The following ZFHX4 variants were observed in gnomAD, a reference collection of about 807,000 sequenced individuals.
ZFHX4 encodes zinc finger homeobox protein 4.
In ZFHX4, 56 loss-of-function variants were observed where a neutral mutation model predicts 267.6. That is an observed-to-expected ratio of 0.21 (90% confidence interval 0.17 to 0.26). ZFHX4 has a LOEUF of 0.26. Ranked by LOEUF, ZFHX4 falls within the 10% of genes least tolerant of loss-of-function variation. The probability of loss-of-function intolerance (pLI) is 1.00; values close to 1 mark genes in which losing one functional copy is unlikely to be tolerated. For synonymous variants in ZFHX4, 1,778 were observed against 1,665.6 expected (o/e 1.07, Z -1.64); for missense variants, 4,332 against 4,420.0 (o/e 0.98, Z 0.56).
intron 3 of ZFHX4, among the ~76,000 whole-genome samples, chr8:76,720,484 A>ATGCTCTCTTTTCTCTTAG (rs1808690161): frequency 6.6e-6 from 1 of 152,122 alleles, no homozygotes; most frequent in African/African-American, 2.4e-5. Flanking sequence ...TTTATATACA[A>ATGCTCTCTTTTCTCTTAG]GGTTTTGTGT....
At chr8:76,712,554 A>T (rs1204295805) in intron 3 of ZFHX4, among the ~76,000 whole-genome samples, 1 of 152,118 alleles carries the variant, frequency 6.6e-6, no homozygotes, top group South Asian at 2.1e-4. Flanking sequence ...TCCCGGTGTG[A>T]TGGTAAAGGA....
intron 4 of ZFHX4, among the ~76,000 whole-genome samples, chr8:76,790,906 A>G (rs10957817): frequency 0.13 from 20,403 of 152,150 alleles, 2,271 homozygotes; most frequent in African/African-American, 0.3. Context: ...GATTACTGAG[A>G]TCTGCCTTGG....
intron 3 of ZFHX4, among the ~76,000 whole-genome samples, chr8:76,748,295 C>T (rs1418088520): frequency 6.6e-6 from 1 of 152,198 alleles, no homozygotes; most frequent in Non-Finnish European, 1.5e-5. Flanking sequence ...TGACTTCTAG[C>T]AGAACATCTT....
At position 76,862,372 on chromosome 8, in the gene ZFHX4, T is replaced by A. The variant is rs560731148; in HGVS notation, c.9380-722T>A. Among the ~76,000 whole-genome samples, 13 of 152,154 alleles carry A rather than the reference T, an allele frequency of 8.5e-5. No homozygotes were observed. The South Asian group carries it at 2.7e-3, about 31-fold the overall frequency. ...GGTGGTAAAGTTGACTGTTAATATATGCAGTTCCTGTCAAGTACCCTGTTA... is the reference window on the plus strand; with the variant it reads ...GGTGGTAAAGTTGACTGTTAATATAAGCAGTTCCTGTCAAGTACCCTGTTA... On this transcript the variant is annotated intron_variant, in intron 10 of 10. Transcript: ENST00000651372.
chr8:76,728,530 A>T (rs747542820), intron 3 of ZFHX4, among the ~76,000 whole-genome samples: 1 of 152,222 alleles, frequency 6.6e-6, no homozygotes, highest in Non-Finnish European at 1.5e-5. Context: ...AGTAAAAGGT[A>T]TAGTTAATCC....
chr8:76,736,531 T>C (rs1273940058), intron 3 of ZFHX4, among the ~76,000 whole-genome samples: 1 of 152,078 alleles, frequency 6.6e-6, no homozygotes, highest in Non-Finnish European at 1.5e-5. Flanking sequence ...CTATACTAAG[T>C]AAGCAGATCA....
At chr8:76,716,315 C>T (rs1808573084) in intron 3 of ZFHX4, among the ~76,000 whole-genome samples, 1 of 152,042 alleles carries the variant, frequency 6.6e-6, no homozygotes, top group South Asian at 2.1e-4. Flanking sequence ...TTATTTATTG[C>T]CTTTTACAAT....
intron 3 of ZFHX4, among the ~76,000 whole-genome samples, chr8:76,727,292 C>T (rs913936380): frequency 4.6e-5 from 7 of 151,596 alleles, no homozygotes; most frequent in Non-Finnish European, 1.0e-4. Flanking sequence ...TTTTTTTCTT[C>T]CATCGTTTTC....
At chr8:76,720,625 CCT>C (rs1468548807) in intron 3 of ZFHX4, among the ~76,000 whole-genome samples, 5 of 152,094 alleles carry the variant, frequency 3.3e-5, no homozygotes, top group African/African-American at 1.2e-4. Flanking sequence ...TTCCTTCTCC[CCT>C]GTCCTTTAAA....
At chr8:76,751,686 A>C (rs1809617200) in intron 3 of ZFHX4, among the ~76,000 whole-genome samples, 1 of 152,176 alleles carries the variant, frequency 6.6e-6, no homozygotes, top group South Asian at 2.1e-4. Context: ...TTAGGTAAAC[A>C]CCTTAGCCAG....
rs1044520320 is a variant in ZFHX4, at chr8:76,861,406, A to G, written c.9380-1688A>G. Reference sequence around the variant, plus strand: ...TTCCTTATTTAAAAATGGAATGTTTAGCAGCAGTTCCCCATTGCCATTAAG... The same window carrying G: ...TTCCTTATTTAAAAATGGAATGTTTGGCAGCAGTTCCCCATTGCCATTAAG... On this transcript the variant is annotated intron_variant, in intron 10 of 10. Transcript: ENST00000651372. 1.4e-4 allele frequency among the ~76,000 whole-genome samples: 22 copies of G among 152,322 alleles called. No homozygotes were observed. In the East Asian group the frequency reaches 4.1e-3, roughly 28 times the overall value.
At position 76,855,445 on chromosome 8, in the gene ZFHX4, C is replaced by A. The variant is rs376143664; in HGVS notation, c.8524C>A (p.Pro2842Thr). The A allele has an allele frequency of 3.1e-6, 5 of 1,613,368 alleles. No homozygotes were observed. The African/African-American group carries it at 5.3e-5, about 17-fold the overall frequency. Residue 2842 changes from proline to threonine, a missense_variant, in exon 10 of 11, where the codon CCA (proline) becomes ACA (threonine). Coordinates refer to ENST00000651372, the MANE Select transcript of ZFHX4 (RefSeq NM_024721.5). ...GAAACCGGCTTTGTCTCCCAAAGAG[C>A]CAAAAACTCTGGATACTCTGCCAAA... ...DVKPALSPKE[P>T]KTLDTLPKPA...
At chr8:76,778,624 T>C (rs1810467277) in intron 4 of ZFHX4, among the ~76,000 whole-genome samples, 185 bp downstream of exon 4, 1 of 152,164 alleles carries the variant, frequency 6.6e-6, no homozygotes, top group African/African-American at 2.4e-5. Flanking sequence ...GCTTTCTTTT[T>C]ATATCAGTAC....
At chr8:76,732,101 C>CA (rs1809031118) in intron 3 of ZFHX4, among the ~76,000 whole-genome samples, 1 of 151,982 alleles carries the variant, frequency 6.6e-6, no homozygotes, top group Non-Finnish European at 1.5e-5. Flanking sequence ...CTCAGCCTCT[C>CA]AAAGTGCTGG....
At chr8:76,840,117 T>A (rs1033496843) in intron 5 of ZFHX4, among the ~76,000 whole-genome samples, 1 of 152,184 alleles carries the variant, frequency 6.6e-6, no homozygotes, top group Admixed American at 6.6e-5. Context: ...TTTCCCCTTC[T>A]AAACCACAAA....
chr8:76,733,999 T>A (rs1040664511), intron 3 of ZFHX4, among the ~76,000 whole-genome samples: 4 of 152,140 alleles, frequency 2.6e-5, no homozygotes, highest in Non-Finnish European at 5.9e-5. Context: ...TTGAATGAAA[T>A]GTTTAATAAA....
At chr8:76,701,215 T>G (rs2131599246) in intron 1 of ZFHX4, among the ~76,000 whole-genome samples, 1 of 152,248 alleles carries the variant, frequency 6.6e-6, no homozygotes, top group East Asian at 1.9e-4. Context: ...AATAAAAATT[T>G]TAAAATCAAA....
chr8:76,704,709 C>T lies in ZFHX4; in HGVS notation c.621C>T (p.Ala207=), dbSNP rs753265770. The T allele has an allele frequency of 9.9e-6, 16 of 1,613,852 alleles. No homozygotes were observed. The highest frequency in any genetic ancestry group is 5.5e-5 in the South Asian group (5 of 91,074). The change falls in exon 2 of 11, where the codon GCC becomes GCT. Residue 207 remains alanine, a synonymous_variant. Coordinates refer to ENST00000651372, the MANE Select transcript of ZFHX4 (RefSeq NM_024721.5). Reference sequence around the variant, plus strand: ...CATCCCTCGGGAAACCATTTACAGCCGATCAGGCTTTCCCAAATACCTCAG... The same window carrying T: ...CATCCCTCGGGAAACCATTTACAGCTGATCAGGCTTTCCCAAATACCTCAG... ...IASSLGKPFT[A]DQAFPNTSAL...
chr8:76,753,161 C>T (rs1307995419), intron 3 of ZFHX4, among the ~76,000 whole-genome samples: 1 of 152,154 alleles, frequency 6.6e-6, no homozygotes, highest in Non-Finnish European at 1.5e-5. Flanking sequence ...TAACCATACT[C>T]CAGGCTTCTC....
Sources: gnomAD v4.1 joint callset for allele counts (sites outside exome capture counted in the v4.1 genomes callset) on GRCh38, gnomAD v4.1.1 for gene constraint, MANE v1.5 for transcripts, NCBI Gene and HGNC (gene_info 2026-07-23, HGNC 2026-07-21) for gene names.